Variants in TONSL observed in about 807,000 individuals in gnomAD.
The protein encoded by TONSL is tonsoku-like protein.
A neutral mutation model predicts 147.1 loss-of-function variants in TONSL; 112 were observed. The observed-to-expected ratio is 0.76, with a 90% confidence interval of 0.65 to 0.89. The LOEUF (loss-of-function observed/expected upper bound fraction) is 0.89, where lower values mean the gene tolerates loss of function less well. Among genes scored for constraint, TONSL ranks in the 40% least tolerant of loss-of-function variants. The pLI, the probability that TONSL is intolerant of heterozygous loss-of-function variation, is 0.00. For synonymous variants in TONSL, 868 were observed against 801.5 expected (o/e 1.08, Z -1.40); for missense variants, 1,883 against 1,864.6 (o/e 1.01, Z -0.18).
Position 144,436,217 on chromosome 8 carries a change from C to G in TONSL, c.2216G>C (p.Ser739Thr). The change falls in exon 17 of 26, where the codon AGC (serine) becomes ACC (threonine). Residue 739 changes from serine (S) to threonine (T), a missense_variant. By Grantham distance (58) the Ser-to-Thr change is moderately conservative. Coordinates refer to ENST00000409379, the MANE Select transcript of TONSL (RefSeq NM_013432.5). The part of the protein sequence containing the change: ...RPRRSRHGPA[S>T]SSSSSEGEDS... The stretch of plus-strand genomic sequence containing the variant: ...CTCGCCTTCTGAGCTGCTGCTGCTG[C>G]TGGCTGGCCCATGCCTGCTCCTCCG... The G allele has an allele frequency of 6.4e-7, 1 of 1,563,448 alleles. No individual in the cohort carries two copies. The highest frequency in any genetic ancestry group is 8.6e-7 in the Non-Finnish European group (1 of 1,157,806).
chr8:144,439,718 G>C, intron 11 of TONSL: 1 of 443,680 alleles, frequency 2.3e-6, no homozygotes, highest in Non-Finnish European at 4.0e-6. Context: ...AGGCAGCCGG[G>C]GCTCTTCAAA....
chr8:144,432,354 C>CTCTAA lies in TONSL; in HGVS notation c.3661_3665dup (p.Glu1222AspfsTer2), dbSNP rs1447337129. 1 of 1,613,468 alleles carries CTCTAA rather than the reference C, an allele frequency of 6.2e-7. No individual in the cohort carries two copies. The highest frequency in any genetic ancestry group is 8.5e-7 in the Non-Finnish European group (1 of 1,179,894). ...CCTTGCCGGCTGCCACGGAGCTGAG[C>CTCTAA]TCTAAGTGCAGGAGGGTGCCGGCGG... is the stretch of plus-strand genomic sequence containing the variant. On this transcript the variant is annotated stop_gained and frameshift_variant, in exon 23 of 26. Transcript: ENST00000409379. LOFTEE classifies it high-confidence loss of function.
At chr8:144,438,769 C>T (rs767379296) in intron 11 of TONSL, 34 bp from the exon 12 acceptor site, 14 of 1,606,296 alleles carry the variant, frequency 8.7e-6, no homozygotes, top group East Asian at 4.5e-5. Flanking sequence ...CAGGGGAGTC[C>T]GTGGGAGGTG....
At chr8:144,443,770 T>G (rs923329746) in intron 3 of TONSL, 112 bp downstream of exon 3, 10 of 1,425,776 alleles carry the variant, frequency 7.0e-6, no homozygotes, top group Non-Finnish European at 9.4e-6. Context: ...CTGCGTCAGG[T>G]CAGGTGTCCC....
intron 24 of TONSL, 138 bp from the exon 25 acceptor site, chr8:144,430,675 A>G (rs895598087): frequency 7.4e-6 from 8 of 1,083,386 alleles, no homozygotes; most frequent in Non-Finnish European, 1.0e-5. Flanking sequence ...CTGGCCCAGT[A>G]GCAGGTGGCC....
intron 1 of TONSL, 35 bp from the exon 2 acceptor site, chr8:144,444,310 C>T: frequency 1.5e-6 from 2 of 1,347,532 alleles, no homozygotes; most frequent in South Asian, 1.8e-5. Flanking sequence ...GCCTCCGCGG[C>T]GGGGTCCGGG....
Position 144,443,192 on chromosome 8 carries a change from GCAGCAAAGCATCCCTCGACTGGCAGT to G in TONSL, c.368_393del (p.His123ProfsTer7). ...CTCTTCTCAAAGGCAGCCTGTGCCT[GCAGCAAAGCATCCCTCGACTGGCAGT>G]GGTCATAGATGTCCAGGTGGGTGCG... is the stretch of plus-strand genomic sequence containing the variant. On this transcript the variant is annotated frameshift_variant, in exon 4 of 26. Transcript: ENST00000409379. LOFTEE classifies it high-confidence loss of function. 2 of 1,550,796 alleles carry G rather than the reference GCAGCAAAGCATCCCTCGACTGGCAGT, an allele frequency of 1.3e-6. No individual in the cohort carries two copies. The highest frequency in any genetic ancestry group is 1.7e-6 in the Non-Finnish European group (2 of 1,146,986).
intron 21 of TONSL, 43 bp from the exon 22 acceptor site, chr8:144,433,802 C>A (rs375744626): frequency 6.6e-7 from 1 of 1,525,958 alleles, no homozygotes; most frequent in Non-Finnish European, 8.8e-7. Flanking sequence ...AGCAGTCCCA[C>A]GGACAGGGTC....
rs1823649778 is a variant in TONSL at position 144,440,100 on chromosome 8, C to A, written c.1401G>T (p.Glu467Asp). ...CTGCCGCCTCCTCCGCCTCCTCCTC[C>A]TCATCTTCATCTTCAGCTACACTGA... ...RELSVAEDED[E>D]EEEAEEAAAT... Residue 467 changes from glutamate to aspartate, a missense_variant, in exon 11 of 26, where the codon GAG (glutamate) becomes GAT (aspartate). Physicochemically the swap from Glu to Asp is conservative, Grantham distance 45. Transcript: ENST00000409379. 2 of 1,610,938 alleles carry A rather than the reference C, an allele frequency of 1.2e-6. No individual in the cohort carries two copies. The highest frequency in any genetic ancestry group is 1.7e-6 in the Non-Finnish European group (2 of 1,178,728).
At position 144,440,470 on chromosome 8, in the gene TONSL, TG is replaced by T; in HGVS notation, c.1170del (p.Lys391ArgfsTer4). The T allele has an allele frequency of 6.3e-7, 1 of 1,596,266 alleles. No individual in the cohort carries two copies. Among genetic ancestry groups the T allele is most frequent in the Non-Finnish European group, 8.6e-7 (1 of 1,168,646 alleles). ...RLRSGNVLEE[A>X]KTWLNIALSR... Reference sequence around the variant, plus strand: ...GACAGTGCAATGTTCAGCCAGGTCTTGGCCTCCTGGAGCAGGAGGAAGGACA... The same window carrying T: ...GACAGTGCAATGTTCAGCCAGGTCTTGCCTCCTGGAGCAGGAGGAAGGACA... On this transcript the variant is annotated frameshift_variant, in exon 10 of 26. Coordinates refer to ENST00000409379, the MANE Select transcript of TONSL (RefSeq NM_013432.5). LOFTEE classifies it high-confidence loss of function.
chr8:144,431,860 C>A (rs1179673151), intron 23 of TONSL, among the ~76,000 whole-genome samples: 2 of 142,144 alleles, frequency 1.4e-5, no homozygotes, highest in Non-Finnish European at 3.0e-5. Flanking sequence ...GACGGAATCT[C>A]GCTCTGTCAC....
rs747949207 is a variant in TONSL at position 144,440,135 on chromosome 8, GTCTGGTTTCGGTC to G, written c.1353_1365del (p.Glu451AspfsTer7). The G allele has an allele frequency of 1.2e-6, 2 of 1,611,830 alleles. No homozygotes were observed. Among genetic ancestry groups the G allele is most frequent in the African/African-American group, 2.7e-5 (2 of 74,868 alleles). Reference sequence around the variant, plus strand: ...TCTTCAGCTACACTGAGCTCCCGTAGTCTGGTTTCGGTCTCAGGGGCCTCCTGGGGCTGCAGCC... The same window carrying G: ...TCTTCAGCTACACTGAGCTCCCGTAGTCAGGGGCCTCCTGGGGCTGCAGCC... On this transcript the variant is annotated frameshift_variant, in exon 11 of 26. Coordinates refer to ENST00000409379, the MANE Select transcript of TONSL (RefSeq NM_013432.5). LOFTEE classifies it high-confidence loss of function.
chr8:144,436,735 C>A (rs1823477775), intron 15 of TONSL, 22 bp downstream of exon 15: 1 of 1,610,334 alleles, frequency 6.2e-7, no homozygotes, highest in East Asian at 2.2e-5. Flanking sequence ...CTCGCCCTTG[C>A]CCTCTGCCCC....
chr8:144,443,174 C>G lies in TONSL; in HGVS notation c.412G>C (p.Glu138Gln). 1.3e-6 allele frequency: 2 copies of G among 1,550,756 alleles called. No homozygotes were observed. The highest frequency in any genetic ancestry group is 1.7e-6 in the Non-Finnish European group (2 of 1,146,978). Residue 138 changes from glutamate (E) to glutamine (Q), a missense_variant, in exon 4 of 26, where the codon GAG becomes CAG. Glu to Gln is a conservative substitution (Grantham distance 29, BLOSUM62 2). Transcript: ENST00000409379. ...DALLQAQAAFEKSLAIVDEEL... is the reference protein window; with the variant it reads ...DALLQAQAAFQKSLAIVDEEL... ...TCATCCACAATAGCCAAGCTCTTCT[C>G]AAAGGCAGCCTGTGCCTGCAGCAAA... is the stretch of plus-strand genomic sequence containing the variant.
At position 144,432,419 on chromosome 8, in the gene TONSL, G is replaced by A. The variant is rs1823244773; in HGVS notation, c.3601C>T (p.Leu1201=). The A allele has an allele frequency of 6.3e-7, 1 of 1,584,408 alleles. No homozygotes were observed. ...LKTLSLSYNA[L]GAPALARTLQ... ...GTCCTGGCCAGGGCAGGGGCTCCCA[G>A]GGCGTTGTAGGACAGGGACAGGGTC... The change falls in exon 23 of 26, where the codon CTG becomes TTG. Residue 1201 remains leucine, a synonymous_variant. Coordinates refer to ENST00000409379, the MANE Select transcript of TONSL (RefSeq NM_013432.5).
At chr8:144,442,848 C>A in intron 4 of TONSL, 42 bp from the exon 5 acceptor site, 1 of 1,583,852 alleles carries the variant, frequency 6.3e-7, no homozygotes. Context: ...TTCCTCCCCA[C>A]ATGGGGTTTC....
rs371357002 is a variant in TONSL at position 144,440,347 on chromosome 8, G to A, written c.1290+4C>T. 26 of 1,583,644 alleles carry A rather than the reference G, an allele frequency of 1.6e-5. No individual in the cohort carries two copies. Among genetic ancestry groups the A allele is most frequent in the East Asian group, 9.0e-5 (4 of 44,282 alleles). On this transcript the variant is annotated splice_donor_region_variant and intron_variant, in intron 10 of 25. Transcript: ENST00000409379. ...GCCAGTATGGGTGGGATGGGCTCTC[G>A]CACCTGCAGCTGGGGACGCTGGGCC...
At position 144,434,181 on chromosome 8, in the gene TONSL, G is replaced by C. The variant is rs367754042; in HGVS notation, c.3184C>G (p.Leu1062Val). The change falls in exon 21 of 26, where the codon CTG (leucine) becomes GTG (valine). Residue 1062 changes from leucine (L) to valine (V), a missense_variant. Transcript: ENST00000409379. The part of the protein sequence containing the change: ...LALDQAQLTP[L>V]LRALKLHTAL... ...GTGTGCAGCTTGAGGGCCCGCAGCAGGGGTGTAAGCTGGGCCTGGTCCAGG... is the reference window on the plus strand; with the variant it reads ...GTGTGCAGCTTGAGGGCCCGCAGCACGGGTGTAAGCTGGGCCTGGTCCAGG... 6.2e-7 allele frequency: 1 copy of C among 1,604,946 alleles called. No individual in the cohort carries two copies. The highest frequency in any genetic ancestry group is 8.5e-7 in the Non-Finnish European group (1 of 1,174,962).
In TONSL at chr8:144,442,732, G is replaced by A. The variant is rs1303283695; in HGVS notation, c.523C>T (p.Leu175=). The A allele has an allele frequency of 6.2e-7, 1 of 1,613,062 alleles. No individual in the cohort carries two copies. The highest frequency in any genetic ancestry group is 1.7e-5 in the Admixed American group (1 of 60,028). The change falls in exon 5 of 26, where the codon CTG becomes TTG. Residue 175 remains leucine, a synonymous_variant. Transcript: ENST00000409379. ...TCGTTGCACAGGGCTGTCTGCTGCA[G>A]GCTCTCAAAGGTGAGGCCCAGGTTG... ...YLNLGLTFES[L]QQTALCNDYF... is the part of the protein sequence containing the mutation.
Sources: gnomAD v4.1 joint callset for allele counts (sites outside exome capture counted in the v4.1 genomes callset) on GRCh38, gnomAD v4.1.1 for gene constraint, MANE v1.5 for transcripts, NCBI Gene and HGNC (gene_info 2026-07-23, HGNC 2026-07-21) for gene names.